Variants in ZNF385D observed in about 807,000 individuals in gnomAD.
ZNF385D encodes the protein zinc finger protein 385D, also known as zinc finger protein 659.
In ZNF385D, 15 loss-of-function variants were observed where a neutral mutation model predicts 35.8. The observed-to-expected ratio is 0.42, with a 90% CI of 0.28 to 0.64. The LOEUF is 0.64. ZNF385D is among the 30% of genes least tolerant of loss of function. The probability of loss-of-function intolerance (pLI) is 0.23; values close to 1 mark genes in which losing one functional copy is unlikely to be tolerated. For synonymous variants in ZNF385D, 212 were observed against 186.8 expected (o/e 1.13, Z -1.10); for missense variants, 474 against 494.6 (o/e 0.96, Z 0.39).
chr3:22,098,237 T>A (rs528725229), intron 3 of ZNF385D, among the ~76,000 whole-genome samples: 2 of 152,152 alleles, frequency 1.3e-5, no homozygotes, highest in Admixed American at 6.6e-5. Flanking sequence ...AAAATATGTA[T>A]CCATAGCAAC....
At chr3:22,192,223 G>A (rs1696102322) in intron 2 of ZNF385D, among the ~76,000 whole-genome samples, 1 of 152,142 alleles carries the variant, frequency 6.6e-6, no homozygotes, top group African/African-American at 2.4e-5. Flanking sequence ...GTGTTCAGAT[G>A]CTGAGAGTTG....
intron 3 of ZNF385D, among the ~76,000 whole-genome samples, chr3:22,101,307 G>A (rs575507605): frequency 2.3e-4 from 35 of 152,122 alleles, no homozygotes; most frequent in African/African-American, 8.2e-4. Flanking sequence ...TATTTATGTA[G>A]ATAGAGAGAT....
intron 3 of ZNF385D, among the ~76,000 whole-genome samples, chr3:21,804,512 G>A (rs1244022862): frequency 2.0e-5 from 3 of 152,144 alleles, no homozygotes; most frequent in African/African-American, 4.8e-5. Context: ...AGCAGAGGGA[G>A]TGATATTTCT....
At chr3:22,120,357 C>A (rs1209938719) in intron 3 of ZNF385D, among the ~76,000 whole-genome samples, 1 of 152,100 alleles carries the variant, frequency 6.6e-6, no homozygotes, top group African/African-American at 2.4e-5. Flanking sequence ...AGGACATTTT[C>A]TTTGTGTGCT....
intron 1 of ZNF385D, among the ~76,000 whole-genome samples, chr3:21,708,504 C>A (rs1205024465): frequency 6.6e-6 from 1 of 152,188 alleles, no homozygotes; most frequent in Non-Finnish European, 1.5e-5. Flanking sequence ...ATGTTCCAGT[C>A]TACTTATTGG....
chr3:21,452,174 A>T (rs1457726491), intron 4 of ZNF385D, among the ~76,000 whole-genome samples: 1 of 152,096 alleles, frequency 6.6e-6, no homozygotes, highest in African/African-American at 2.4e-5. Flanking sequence ...CCTACTTATT[A>T]AATTTACCAA....
chr3:21,928,080 C>T (rs892816511), intron 3 of ZNF385D, among the ~76,000 whole-genome samples: 4 of 151,782 alleles, frequency 2.6e-5, no homozygotes, highest in Admixed American at 6.6e-5. Context: ...AAAAGTTAGC[C>T]GGCTGTGGTG....
chr3:21,997,412 C>T lies in ZNF385D; in HGVS notation c.325+171405G>A, dbSNP rs1270566051. Among the ~76,000 whole-genome samples the T allele has an allele frequency of 2.6e-5, 4 of 152,008 alleles. No individual in the cohort carries two copies. The East Asian group carries it at 5.8e-4, about 22-fold the overall frequency. On this transcript the variant is annotated intron_variant, in intron 3 of 5. Transcript: ENST00000494108. ...ATACCTAATGTAAATGACGAGTTAA[C>T]GGGTGCAGCACACCAACATGGCACA...
In ZNF385D at chr3:22,147,998, T is replaced by C. The variant is rs185929321; in HGVS notation, c.325+20819A>G. On this transcript the variant is annotated intron_variant, in intron 3 of 5. Coordinates refer to the ZNF385D transcript ENST00000494108. Reference sequence around the variant, plus strand: ...AGGCTGACATGGAGTAAATACTTCATTTCTGGGATAATTGCTTTATAACTC... The same window carrying C: ...AGGCTGACATGGAGTAAATACTTCACTTCTGGGATAATTGCTTTATAACTC... Among the ~76,000 whole-genome samples, 52 of 152,304 alleles carry C rather than the reference T, an allele frequency of 3.4e-4. No homozygotes were observed. In the East Asian group the frequency reaches 9.1e-3, roughly 27 times the overall value.
chr3:21,575,814 G>A (rs568242739), intron 2 of ZNF385D, among the ~76,000 whole-genome samples: 1 of 152,250 alleles, frequency 6.6e-6, no homozygotes, highest in South Asian at 2.1e-4. Flanking sequence ...CCAGCCATTA[G>A]CAGAGTGGCT....
chr3:21,872,990 T>C (rs1238728080), intron 3 of ZNF385D, among the ~76,000 whole-genome samples: 5 of 152,150 alleles, frequency 3.3e-5, no homozygotes, highest in East Asian at 1.9e-4. Context: ...GCCAGTCGAT[T>C]TATGTACAAA....
Position 21,908,117 on chromosome 3 carries a change from TA to T in ZNF385D, c.326-243090del, listed in dbSNP as rs1162719622. Among the ~76,000 whole-genome samples the T allele has an allele frequency of 3.7e-4, 48 of 130,742 alleles. 1 individual carries two copies. In the South Asian group the frequency reaches 8.6e-3, roughly 23 times the overall value. 85.8% of individuals were successfully genotyped at this position (130,742 alleles called of 152,430 possible). On this transcript the variant is annotated intron_variant, in intron 3 of 5. Coordinates refer to the ZNF385D transcript ENST00000494108. ...CTCTATATCTATATATCTTTCTCTC[TA>T]TATCTATCTATCTATCTATCTATCT...
upstream of ZNF385D, among the ~76,000 whole-genome samples, chr3:21,753,453 T>G (rs926710493): frequency 6.6e-6 from 1 of 152,160 alleles, no homozygotes; most frequent in Non-Finnish European, 1.5e-5. Context: ...CATGCCAATC[T>G]TTGCCTGGTA....
intron 3 of ZNF385D, among the ~76,000 whole-genome samples, chr3:22,162,807 C>T (rs73145023): frequency 0.011 from 1,639 of 152,248 alleles, 32 homozygotes; most frequent in African/African-American, 0.038. Context: ...TTGATGTCAA[C>T]AGAATCAGAG....
chr3:21,743,305 C>T (rs543662499), intron 1 of ZNF385D, among the ~76,000 whole-genome samples: 14 of 152,222 alleles, frequency 9.2e-5, no homozygotes, highest in African/African-American at 3.4e-4. Context: ...AGTGAGACAG[C>T]AAAAACATAC....
At chr3:21,572,106 T>C (rs1275229269) in intron 2 of ZNF385D, among the ~76,000 whole-genome samples, 1 of 152,102 alleles carries the variant, frequency 6.6e-6, no homozygotes, top group East Asian at 1.9e-4. Context: ...GGTTAGTCTT[T>C]CTGGTGACTG....
chr3:21,538,724 G>C (rs2062098695), intron 3 of ZNF385D, among the ~76,000 whole-genome samples: 1 of 152,048 alleles, frequency 6.6e-6, no homozygotes, highest in African/African-American at 2.4e-5. Context: ...GCATATCTCA[G>C]TATCTCCACA....
Position 21,539,602 on chromosome 3 carries a change from A to T in ZNF385D, c.276+24972T>A, listed in dbSNP as rs993796834. Among the ~76,000 whole-genome samples the T allele has an allele frequency of 2.0e-5, 3 of 152,164 alleles. No individual in the cohort carries two copies. The highest frequency in any genetic ancestry group is 4.4e-5 in the Non-Finnish European group (3 of 68,004). ...ATGATTCTCTAAATTATTGTTTCAG[A>T]TTTTATAAAGTGATAAAAATACAAC... On this transcript the variant is annotated intron_variant, in intron 3 of 7. Coordinates refer to ENST00000281523, the MANE Select transcript of ZNF385D (RefSeq NM_024697.3). The surrounding 1 kb of genome is among the most constrained non-coding windows in gnomAD (Gnocchi z 4.0).
chr3:22,299,650 A>C (rs1702789830), intron 2 of ZNF385D, among the ~76,000 whole-genome samples: 1 of 151,828 alleles, frequency 6.6e-6, no homozygotes, highest in South Asian at 2.1e-4. Context: ...TCAACATACA[A>C]AATCAGTAGC....
Sources: gnomAD v4.1 joint callset for allele counts (sites outside exome capture counted in the v4.1 genomes callset) on GRCh38, gnomAD v4.1.1 for gene constraint, Gnocchi (gnomAD v3.1) non-coding constraint, MANE v1.5 for transcripts, NCBI Gene and HGNC (gene_info 2026-07-23, HGNC 2026-07-21) for gene names.